SPTLC2: variants seen among roughly 807,000 people sequenced by gnomAD.
SPTLC2 encodes serine palmitoyltransferase long chain base subunit 2, also known as serine palmitoyltransferase 2.
SPTLC2 carries 21 observed loss-of-function variants against 62.0 expected under a neutral mutation model. The observed-to-expected ratio is 0.34, with a 90% confidence interval of 0.24 to 0.49. The LOEUF is 0.49. Ranked by LOEUF, SPTLC2 falls within the 20% of genes least tolerant of loss-of-function variation. The pLI is 0.99. For missense variants in SPTLC2, 511 were observed against 713.0 expected (o/e 0.72, Z 3.23); for synonymous variants, 261 against 261.8 (o/e 1.00, Z 0.03).
At chr14:77,513,393 G>A (rs2079342753) in intron 11 of SPTLC2, among the ~76,000 whole-genome samples, 1 of 152,056 alleles carries the variant, frequency 6.6e-6, no homozygotes, top group Non-Finnish European at 1.5e-5. Context: ...TGTAGCACAA[G>A]AAAAAATATT....
At chr14:77,525,783 G>A (rs554001353) in intron 9 of SPTLC2, among the ~76,000 whole-genome samples, 1 of 152,144 alleles carries the variant, frequency 6.6e-6, no homozygotes, top group Non-Finnish European at 1.5e-5. Flanking sequence ...GCGTGGTGGT[G>A]GGCGCCTGTA....
chr14:77,559,800 A>G (rs1316913368), intron 6 of SPTLC2, among the ~76,000 whole-genome samples: 1 of 152,152 alleles, frequency 6.6e-6, no homozygotes, highest in Non-Finnish European at 1.5e-5. Flanking sequence ...CTGAGGCAGG[A>G]GAATCATTTG....
At chr14:77,517,846 C>T (rs987928976) in intron 11 of SPTLC2, among the ~76,000 whole-genome samples, 192 bp downstream of exon 11, 8 of 152,146 alleles carry the variant, frequency 5.3e-5, no homozygotes, top group African/African-American at 1.9e-4. Context: ...GGAAAATTCT[C>T]CAGAGCTCTC....
intron 9 of SPTLC2, among the ~76,000 whole-genome samples, chr14:77,532,660 T>C (rs2079446531): frequency 6.6e-6 from 1 of 152,002 alleles, no homozygotes; most frequent in South Asian, 2.1e-4. Flanking sequence ...GGCAGGCGCC[T>C]GTAGTCCCAG....
At chr14:77,606,632 A>C (rs2079906847) in intron 1 of SPTLC2, among the ~76,000 whole-genome samples, 1 of 152,174 alleles carries the variant, frequency 6.6e-6, no homozygotes, top group Non-Finnish European at 1.5e-5. Flanking sequence ...AAATCAACAT[A>C]ATCATTTCAT....
chr14:77,546,994 T>A (rs2079531720), intron 9 of SPTLC2, among the ~76,000 whole-genome samples: 1 of 151,130 alleles, frequency 6.6e-6, no homozygotes, highest in African/African-American at 2.4e-5. Flanking sequence ...CCTCCCAAAG[T>A]GCTGGGATTA....
chr14:77,567,251 C>T (rs1220161741), intron 5 of SPTLC2, among the ~76,000 whole-genome samples: 1 of 152,180 alleles, frequency 6.6e-6, no homozygotes, highest in African/African-American at 2.4e-5. Flanking sequence ...CCACTGCGCC[C>T]GGCCCTGGAA....
intron 9 of SPTLC2, among the ~76,000 whole-genome samples, chr14:77,542,330 T>G (rs893038924): frequency 3.9e-5 from 6 of 152,180 alleles, no homozygotes; most frequent in Non-Finnish European, 5.9e-5. Context: ...ACAGATTGAT[T>G]TTAACAACAT....
chr14:77,588,143 T>G (rs947277665), intron 2 of SPTLC2, among the ~76,000 whole-genome samples: 2 of 152,146 alleles, frequency 1.3e-5, no homozygotes, highest in African/African-American at 4.8e-5. Context: ...CTCTCTCTGT[T>G]GCCCACGCCA....
intron 7 of SPTLC2, 101 bp from the exon 8 acceptor site, chr14:77,555,620 CT>C (rs967283106): frequency 2.2e-3 from 2,302 of 1,029,690 alleles, no homozygotes; most frequent in Non-Finnish European, 2.5e-3. Context: ...TTTACTGCTT[CT>C]TTTTTTTTTC....
intron 4 of SPTLC2, among the ~76,000 whole-genome samples, chr14:77,572,119 G>A (rs4903607): frequency 0.58 from 88,883 of 152,058 alleles, 26,630 homozygotes; most frequent in East Asian, 0.91. Flanking sequence ...ATGCCATAAA[G>A]GCATAATGTA....
At chr14:77,570,131 G>A (rs1329394966) in intron 5 of SPTLC2, among the ~76,000 whole-genome samples, 4 of 149,654 alleles carry the variant, frequency 2.7e-5, no homozygotes, top group Non-Finnish European at 5.9e-5. Context: ...GCTGAGGCAG[G>A]AGAATCGCTT....
chr14:77,611,825 C>CAA (rs200111985), intron 1 of SPTLC2, among the ~76,000 whole-genome samples: 44 of 132,634 alleles, frequency 3.3e-4, no homozygotes, highest in African/African-American at 3.1e-4. Flanking sequence ...GACTCCGTCT[C>CAA]AAAAAAAAAA....
intron 9 of SPTLC2, among the ~76,000 whole-genome samples, chr14:77,529,752 A>G (rs976757628): frequency 1.3e-5 from 2 of 150,606 alleles, no homozygotes; most frequent in African/African-American, 4.9e-5. Context: ...CCTCCCAAGT[A>G]GCTGGGATTA....
At chr14:77,513,131 T>G (rs528915852) in intron 11 of SPTLC2, among the ~76,000 whole-genome samples, 2 of 140,490 alleles carry the variant, frequency 1.4e-5, no homozygotes, top group Middle Eastern at 3.9e-3. Context: ...GTTCAAGAGA[T>G]TCTCTGCCTC....
At chr14:77,591,276 T>C (rs751677857) in intron 2 of SPTLC2, among the ~76,000 whole-genome samples, 2 of 152,142 alleles carry the variant, frequency 1.3e-5, no homozygotes, top group Non-Finnish European at 2.9e-5. Flanking sequence ...AAGTCCCGAA[T>C]AGTAAATCTA....
At chr14:77,553,502 C>T (rs139993196) in intron 8 of SPTLC2, among the ~76,000 whole-genome samples, 69 of 151,986 alleles carry the variant, frequency 4.5e-4, no homozygotes, top group African/African-American at 1.5e-3. Context: ...GAGGCCGAGG[C>T]GGGCAGATCA....
At chr14:77,568,971 C>G (rs535642432) in intron 5 of SPTLC2, among the ~76,000 whole-genome samples, 98 of 152,306 alleles carry the variant, frequency 6.4e-4, no homozygotes, top group East Asian at 2.9e-3. Context: ...AAATCAGACC[C>G]TGGCGATGAC....
rs1442394746 is a variant in SPTLC2, at chr14:77,616,443, C to G, written c.132+5G>C. 1.4e-6 allele frequency: 2 copies of G among 1,473,596 alleles called. No individual in the cohort carries two copies. Among genetic ancestry groups the G allele is most frequent in the Non-Finnish European group, 1.8e-6 (2 of 1,117,008 alleles). The allele number at this position is 1,473,596 out of a possible 1,614,324, so 91.3% of individuals were successfully genotyped here. On this transcript the variant is annotated splice_donor_5th_base_variant and intron_variant, in intron 1 of 11. Transcript: ENST00000216484. ...CCCCGGCCCCGCCGCGCGGGCCCCT[C>G]GTACCTGGCCGGCGGCGGCTGCGGC...
Sources: allele counts gnomAD v4.1 joint callset (sites outside exome capture counted in the v4.1 genomes callset), GRCh38; gene constraint gnomAD v4.1.1; transcripts MANE v1.5; gene names NCBI Gene and HGNC (gene_info 2026-07-23, HGNC 2026-07-21).